The following GPC5 variants were observed in gnomAD, a reference collection of about 807,000 sequenced individuals.
GPC5 encodes the protein glypican 5, also known as glypican-5.
Under a neutral mutation model 53.9 loss-of-function variants are expected in GPC5, and 47 were observed. The observed-to-expected ratio is 0.87, with a 90% confidence interval of 0.69 to 1.11. The LOEUF (loss-of-function observed/expected upper bound fraction) is 1.11, where lower values mean the gene tolerates loss of function less well. GPC5 is among the 50% of genes most tolerant of loss of function. The pLI, the probability that GPC5 is intolerant of heterozygous loss-of-function variation, is 0.00. For synonymous variants in GPC5, 286 were observed against 263.3 expected, an observed-to-expected ratio of 1.09 and a Z score of -0.84; for missense variants, 748 against 713.1, an observed-to-expected ratio of 1.05 and a Z score of -0.56.
chr13:91,653,917 C>CA (rs1055275105), intron 2 of GPC5, among the ~76,000 whole-genome samples: 18 of 151,500 alleles, frequency 1.2e-4, no homozygotes, highest in East Asian at 3.9e-4. Flanking sequence ...CATATCCATT[C>CA]AAAAAAAAAT....
At chr13:92,559,378 G>A (rs1337950886) in intron 7 of GPC5, among the ~76,000 whole-genome samples, 1 of 151,046 alleles carries the variant, frequency 6.6e-6, no homozygotes, top group Admixed American at 6.6e-5. Context: ...GTTGGGGTGT[G>A]GGGGCGCGGG....
intron 6 of GPC5, among the ~76,000 whole-genome samples, chr13:92,017,171 C>T (rs2040715189): frequency 1.3e-5 from 2 of 152,126 alleles, no homozygotes; most frequent in Admixed American, 1.3e-4. Context: ...CACCTAGCAT[C>T]CTCGGACACC....
chr13:92,312,868 C>T (rs1329839307), intron 7 of GPC5, among the ~76,000 whole-genome samples: 3 of 152,074 alleles, frequency 2.0e-5, no homozygotes, highest in Admixed American at 1.3e-4. Flanking sequence ...TCTGAAATGT[C>T]ATCCGTGGTA....
chr13:92,378,771 C>A (rs928753113), intron 7 of GPC5, among the ~76,000 whole-genome samples: 2 of 151,962 alleles, frequency 1.3e-5, no homozygotes, highest in South Asian at 4.1e-4. Context: ...TTTTAAGCAC[C>A]CTAAGCACTG....
rs147649965 is a variant in GPC5, at chr13:91,566,400, C to T, written c.325+117478C>T. Among the ~76,000 whole-genome samples, 176 of 152,112 alleles carry T rather than the reference C, an allele frequency of 1.2e-3. 2 individuals are homozygous for T. In the East Asian group the frequency reaches 0.026, roughly 23 times the overall value. On this transcript the variant is annotated intron_variant, in intron 2 of 7. Transcript: ENST00000377067. ...CCAAGATGGTGAAACCCTGTTTCTA[C>T]TAAAATACAAAAAATTAGCCGGGCG...
intron 7 of GPC5, among the ~76,000 whole-genome samples, chr13:92,677,513 C>T (rs962354923): frequency 6.6e-6 from 1 of 152,178 alleles, no homozygotes; most frequent in Non-Finnish European, 1.5e-5. Context: ...GTTCCATGGA[C>T]TTACAGCCAG....
intron 7 of GPC5, among the ~76,000 whole-genome samples, chr13:92,634,197 G>A (rs1885344688): frequency 6.6e-6 from 1 of 151,878 alleles, no homozygotes. Flanking sequence ...GTTTTTAATT[G>A]GAATTTAATT....
intron 6 of GPC5, among the ~76,000 whole-genome samples, chr13:92,116,022 G>A (rs2041597860): frequency 6.6e-6 from 1 of 152,096 alleles, no homozygotes; most frequent in East Asian, 1.9e-4. Flanking sequence ...AGGCTGAGAT[G>A]GGAGAATCCC....
At chr13:92,379,058 T>G (rs561822395) in intron 7 of GPC5, among the ~76,000 whole-genome samples, 2 of 152,322 alleles carry the variant, frequency 1.3e-5, no homozygotes, top group Non-Finnish European at 2.9e-5. Flanking sequence ...AACCCAGTTT[T>G]GAAGCTCAGT....
intron 7 of GPC5, among the ~76,000 whole-genome samples, chr13:92,212,439 A>T (rs765241927): frequency 1.4e-4 from 22 of 152,228 alleles, no homozygotes; most frequent in Non-Finnish European, 1.8e-4. Context: ...GAGGGAAAAC[A>T]GCAAAATTCA....
intron 7 of GPC5, among the ~76,000 whole-genome samples, chr13:92,671,719 C>T (rs563952690): frequency 6.6e-6 from 1 of 152,278 alleles, no homozygotes; most frequent in Non-Finnish European, 1.5e-5. Flanking sequence ...AGGTATAAAT[C>T]TGTATATTCC....
At chr13:91,468,575 G>A (rs1314572595) in intron 2 of GPC5, among the ~76,000 whole-genome samples, 2 of 152,052 alleles carry the variant, frequency 1.3e-5, no homozygotes, top group African/African-American at 2.4e-5. Context: ...AGTGAGGTGA[G>A]TCACCTGGAA....
At chr13:91,788,106 C>T (rs1252429073) in intron 5 of GPC5, among the ~76,000 whole-genome samples, 2 of 152,136 alleles carry the variant, frequency 1.3e-5, no homozygotes, top group Non-Finnish European at 1.5e-5. Context: ...ATGTCATTGA[C>T]TGGGTGACTT....
intron 6 of GPC5, among the ~76,000 whole-genome samples, chr13:91,913,673 C>T (rs957052479): frequency 1.3e-5 from 2 of 152,080 alleles, no homozygotes; most frequent in South Asian, 2.1e-4. Context: ...GGAACCTTGG[C>T]GACAGAGGGG....
chr13:92,478,374 G>A (rs1410357834), intron 7 of GPC5, among the ~76,000 whole-genome samples: 2 of 152,072 alleles, frequency 1.3e-5, no homozygotes, highest in Non-Finnish European at 1.5e-5. Context: ...TTTAGAAATC[G>A]GCTTTGAGTC....
intron 6 of GPC5, among the ~76,000 whole-genome samples, chr13:92,110,613 T>C (rs1015562856): frequency 2.0e-5 from 3 of 152,184 alleles, no homozygotes; most frequent in African/African-American, 7.2e-5. Flanking sequence ...AGTTTGTAAT[T>C]TAAATGACAA....
At chr13:91,645,993 G>T (rs1306944065) in intron 2 of GPC5, among the ~76,000 whole-genome samples, 1 of 152,096 alleles carries the variant, frequency 6.6e-6, no homozygotes, top group Non-Finnish European at 1.5e-5. Flanking sequence ...GTAACACACA[G>T]GTCAACCTCA....
At chr13:92,527,182 GAAGA>G (rs1168907594) in intron 7 of GPC5, among the ~76,000 whole-genome samples, 1,183 of 45,078 alleles carry the variant, frequency 0.026, 54 homozygotes, top group Non-Finnish European at 0.038. Flanking sequence ...GAGAAAGAAA[GAAGA>G]AAGAAAGAAA....
chr13:92,713,184 C>T (rs929078570), intron 7 of GPC5, among the ~76,000 whole-genome samples: 1 of 152,084 alleles, frequency 6.6e-6, no homozygotes, highest in Middle Eastern at 3.4e-3. Context: ...GAGTAGTGGA[C>T]TAGTATCAAG....
Sources: gnomAD v4.1 joint callset for allele counts (sites outside exome capture counted in the v4.1 genomes callset) on GRCh38, gnomAD v4.1.1 for gene constraint, MANE v1.5 for transcripts, NCBI Gene and HGNC (gene_info 2026-07-23, HGNC 2026-07-21) for gene names.